DLG2: variants seen among roughly 807,000 people sequenced by gnomAD.
DLG2 encodes discs large MAGUK scaffold protein 2.
A neutral mutation model predicts 132.5 loss-of-function variants in DLG2; 45 were observed. The ratio of observed to expected loss-of-function variants is 0.34; its 90% CI spans 0.27 to 0.44. DLG2 has a LOEUF of 0.44. Ranked by LOEUF, DLG2 falls within the 20% of genes least tolerant of loss-of-function variation. The pLI is 1.00. For missense variants in DLG2, 1,045 were observed against 1,196.9 expected (o/e 0.87, Z 1.87); for synonymous variants, 424 against 419.6 (o/e 1.01, Z -0.13).
intron 12 of DLG2, among the ~76,000 whole-genome samples, chr11:83,966,004 T>C (rs34747709): frequency 0.042 from 6,465 of 152,142 alleles, 199 homozygotes; most frequent in Non-Finnish European, 0.067. Flanking sequence ...AGTATAATGA[T>C]CTAACCAGTT....
chr11:84,539,648 T>C (rs749597891), intron 6 of DLG2, among the ~76,000 whole-genome samples: 18 of 152,198 alleles, frequency 1.2e-4, no homozygotes, highest in Non-Finnish European at 2.4e-4. Flanking sequence ...TAAATTACCT[T>C]GGGCAGTATG....
intron 6 of DLG2, among the ~76,000 whole-genome samples, chr11:84,690,599 C>A (rs1473633788): frequency 6.6e-6 from 1 of 151,844 alleles, no homozygotes; most frequent in African/African-American, 2.4e-5. Flanking sequence ...ATATATGTAT[C>A]ACTTAATGGC....
At chr11:84,392,846 T>G (rs969663743) in intron 7 of DLG2, among the ~76,000 whole-genome samples, 21 of 152,184 alleles carry the variant, frequency 1.4e-4, no homozygotes, top group Middle Eastern at 3.2e-3. Flanking sequence ...CAGTTTGGGT[T>G]CAGGAGCCAT....
At chr11:84,223,064 G>C (rs1376204699) in intron 8 of DLG2, among the ~76,000 whole-genome samples, 1 of 152,152 alleles carries the variant, frequency 6.6e-6, no homozygotes, top group Admixed American at 6.5e-5. Flanking sequence ...CCAAAATGTA[G>C]TAGGATCTAT....
intron 7 of DLG2, among the ~76,000 whole-genome samples, chr11:84,470,205 C>T (rs1303993864): frequency 1.3e-5 from 2 of 151,496 alleles, no homozygotes; most frequent in African/African-American, 2.4e-5. Context: ...ATAGTTGAAT[C>T]TAAATCAGGA....
At chr11:84,521,286 T>C (rs374468882) in intron 7 of DLG2, among the ~76,000 whole-genome samples, 2 of 152,090 alleles carry the variant, frequency 1.3e-5, no homozygotes, top group Non-Finnish European at 2.9e-5. Flanking sequence ...CCCCTAGAAA[T>C]TGAAATAAGT....
chr11:84,533,078 C>T (rs1388303517), intron 7 of DLG2, among the ~76,000 whole-genome samples: 3 of 152,148 alleles, frequency 2.0e-5, no homozygotes, highest in Non-Finnish European at 4.4e-5. Flanking sequence ...TCTACAAAAC[C>T]TCTGACGAGT....
chr11:85,431,912 A>G (rs1024813325), intron 3 of DLG2, among the ~76,000 whole-genome samples: 1 of 152,170 alleles, frequency 6.6e-6, no homozygotes, highest in East Asian at 1.9e-4. Context: ...GAGTGTTCCT[A>G]CTGGCATCAG....
chr11:84,923,658 G>T, intron 6 of DLG2: 2 of 898,744 alleles, frequency 2.2e-6, no homozygotes, highest in Non-Finnish European at 2.7e-6. Flanking sequence ...CTATTCTGGT[G>T]CAGCACCCTG....
intron 3 of DLG2, among the ~76,000 whole-genome samples, chr11:85,392,440 AT>A (rs1226778011): frequency 1.3e-5 from 2 of 151,822 alleles, no homozygotes; most frequent in Non-Finnish European, 2.9e-5. Context: ...AAAAAAAAAA[AT>A]CTTAAAATTC....
intron 9 of DLG2, among the ~76,000 whole-genome samples, chr11:84,119,489 T>C (rs1313147892): frequency 6.6e-6 from 1 of 151,618 alleles, no homozygotes. Context: ...ATACAGGTAA[T>C]ATATTCATAC....
chr11:84,074,282 T>C (rs1594703316), intron 10 of DLG2, among the ~76,000 whole-genome samples: 1 of 152,256 alleles, frequency 6.6e-6, no homozygotes, highest in East Asian at 1.9e-4. Flanking sequence ...ATCTTTTATT[T>C]CCTTCACCCT....
chr11:85,131,071 T>C (rs2075667910), intron 5 of DLG2, among the ~76,000 whole-genome samples: 1 of 152,286 alleles, frequency 6.6e-6, no homozygotes, highest in Non-Finnish European at 1.5e-5. Context: ...TAAATCACAA[T>C]ACTGGAGTAA....
rs75157015 is a variant in DLG2, at chr11:83,843,355, T to C, written c.1566-9585A>G. ...AAGACTGAGGCCAGGTACAATCTCC[T>C]CTCTGCTGTCCCCTCTACCCTCACC... On this transcript the variant is annotated intron_variant, in intron 16 of 27. Transcript: ENST00000376104. 2.7e-3 allele frequency among the ~76,000 whole-genome samples: 404 copies of C among 152,276 alleles called. 1 individual carries two copies. Among genetic ancestry groups the C allele is most frequent in the African/African-American group, 9.2e-3 (382 of 41,552 alleles).
At chr11:85,364,439 G>C (rs2084384273) in intron 3 of DLG2, among the ~76,000 whole-genome samples, 1 of 152,148 alleles carries the variant, frequency 6.6e-6, no homozygotes, top group Non-Finnish European at 1.5e-5. Context: ...AAATACCCTA[G>C]CTGCTTCGTC....
At chr11:85,237,811 A>C (rs1008532749) in intron 4 of DLG2, among the ~76,000 whole-genome samples, 1 of 152,098 alleles carries the variant, frequency 6.6e-6, no homozygotes, top group Non-Finnish European at 1.5e-5. Flanking sequence ...CACCAGAGGA[A>C]CCAGTCCAGA....
At chr11:84,452,729 G>A (rs1166446204) in intron 7 of DLG2, among the ~76,000 whole-genome samples, 12 of 151,532 alleles carry the variant, frequency 7.9e-5, no homozygotes, top group Non-Finnish European at 5.9e-5. Context: ...TCAAAGGAAA[G>A]CTGTGGATGG....
At chr11:83,750,514 A>G (rs547359669) in intron 18 of DLG2, among the ~76,000 whole-genome samples, 4 of 152,302 alleles carry the variant, frequency 2.6e-5, no homozygotes, top group African/African-American at 7.2e-5. Flanking sequence ...CATAGAAGCA[A>G]TAGAGAGAGG....
At chr11:85,390,518 C>G (rs1350618979) in intron 3 of DLG2, among the ~76,000 whole-genome samples, 1 of 151,754 alleles carries the variant, frequency 6.6e-6, no homozygotes, top group Admixed American at 6.6e-5. Context: ...CAGATATTTA[C>G]AGAACTTTCT....
Sources: gnomAD v4.1 joint callset for allele counts (sites outside exome capture counted in the v4.1 genomes callset) on GRCh38, gnomAD v4.1.1 for gene constraint, MANE v1.5 for transcripts, NCBI Gene and HGNC (gene_info 2026-07-23, HGNC 2026-07-21) for gene names.